LTK: variants seen among roughly 807,000 people sequenced by gnomAD.
LTK encodes leukocyte tyrosine kinase receptor.
Under a neutral mutation model 101.5 loss-of-function variants are expected in LTK, and 117 were observed. The ratio of observed to expected loss-of-function variants is 1.15; its 90% CI spans 0.99 to 1.34. LTK has a LOEUF of 1.34. Ranked by LOEUF, LTK falls within the 40% of genes most tolerant of loss-of-function variation. LTK has a pLI of 0.00. For missense variants in LTK, 1,252 were observed against 1,164.7 expected (o/e 1.07, Z -1.09); for synonymous variants, 563 against 494.2 (o/e 1.14, Z -1.85).
At chr15:41,510,679 T>C (rs2051429443) in intron 7 of LTK, among the ~76,000 whole-genome samples, 1 of 152,094 alleles carries the variant, frequency 6.6e-6, no homozygotes, top group South Asian at 2.1e-4. Flanking sequence ...CAGACTGGTC[T>C]CGAACTGGTG....
chr15:41,504,818 G>A lies in LTK; in HGVS notation c.2075C>T (p.Pro692Leu). The A allele has an allele frequency of 6.2e-7, 1 of 1,613,278 alleles. No homozygotes were observed. Among genetic ancestry groups the A allele is most frequent in the East Asian group, 2.2e-5 (1 of 44,884 alleles). The change falls in exon 17 of 20, where the codon CCA becomes CTA. Residue 692 changes from proline (P) to leucine (L), a missense_variant. Coordinates refer to ENST00000263800, the MANE Select transcript of LTK (RefSeq NM_002344.6). ...GAAGATGCCCTCCAGGAAGGCCTCT[G>A]GGGGCATCCACTTGACTGGGAGCAA... ...RALLPVKWMP[P>L]EAFLEGIFTS...
chr15:41,505,162 G>A (rs375743557), intron 15 of LTK, 46 bp downstream of exon 15: 157 of 1,593,158 alleles, frequency 9.9e-5, no homozygotes, highest in Non-Finnish European at 1.3e-4. Flanking sequence ...TGTTCCTTGG[G>A]GAGGGAGTTG....
Position 41,511,813 on chromosome 15 carries a change from G to T in LTK, c.657+4C>A. The T allele has an allele frequency of 6.7e-7, 1 of 1,490,192 alleles. No individual in the cohort carries two copies. The allele number at this position is 1,490,192 out of a possible 1,614,324, so 92.3% of individuals were successfully genotyped here. A position where few individuals can be genotyped will look rare whatever the true frequency, so the allele number is the denominator to read the frequency against. ...CAACGCTGAGCGCCGAAGGGAGCAC[G>T]TACCCGGAAAACGTAGGTGGCGCCC... On this transcript the variant is annotated splice_donor_region_variant and intron_variant, in intron 5 of 19. Transcript: ENST00000263800. This position sits in a 1 kb window ranked among gnomAD's most constrained non-coding sequence, Gnocchi z 5.9.
Position 41,511,218 on chromosome 15 carries a change from AGCCGCCGGCCGCG to A in LTK, c.930_942del (p.Ala311SerfsTer59), listed in dbSNP as rs774635215. ...GTGCAGGCCCCGCCGCCGCCCCCGA[AGCCGCCGGCCGCG>A]GCCCAGCCAAGGGTCGCCCAAGCCT... On this transcript the variant is annotated frameshift_variant, in exon 7 of 20. Coordinates refer to ENST00000263800, the MANE Select transcript of LTK (RefSeq NM_002344.6). LOFTEE classifies it high-confidence loss of function. The surrounding 1 kb of genome is among the most constrained non-coding windows in gnomAD (Gnocchi z 5.9). 1 of 1,389,832 alleles carries A rather than the reference AGCCGCCGGCCGCG, an allele frequency of 7.2e-7. No individual in the cohort carries two copies. The highest frequency in any genetic ancestry group is 1.6e-5 in the South Asian group (1 of 63,282). 86.1% of individuals were successfully genotyped at this position (1,389,832 alleles called of 1,614,324 possible).
rs772812107 is a variant in LTK at position 41,505,319 on chromosome 15, A to AG, written c.1828-15dup. 4.6e-5 allele frequency: 75 copies of AG among 1,613,408 alleles called. No homozygotes were observed. The highest frequency in any genetic ancestry group is 6.4e-5 in the Non-Finnish European group (75 of 1,179,716). ...TGATGGCTGGCCCTGGGTCAGGCAG[A>AG]GGGGGCATCAGTCCATGTAGGTCTC... is the stretch of plus-strand genomic sequence containing the variant. On this transcript the variant is annotated splice_polypyrimidine_tract_variant and intron_variant, in intron 14 of 19. Transcript: ENST00000263800.
intron 10 of LTK, 111 bp downstream of exon 10, chr15:41,507,451 T>TCTGCTG (rs1566868213): frequency 6.4e-7 from 1 of 1,550,674 alleles, no homozygotes; most frequent in African/African-American, 1.4e-5. Context: ...CTACCACGGC[T>TCTGCTG]CTGCTGCGGT....
Position 41,512,279 on chromosome 15 carries a change from A to C in LTK, c.360-14T>G. On this transcript the variant is annotated splice_polypyrimidine_tract_variant and intron_variant, in intron 3 of 19. Transcript: ENST00000263800. Reference sequence around the variant, plus strand: ...TAGGCTGAGATCCTGCGGGGAACGGACGGTGAGTCCCCGGCCTTCGGTGCT... The same window carrying C: ...TAGGCTGAGATCCTGCGGGGAACGGCCGGTGAGTCCCCGGCCTTCGGTGCT... The C allele has an allele frequency of 6.2e-7, 1 of 1,609,030 alleles. No individual in the cohort carries two copies. The highest frequency in any genetic ancestry group is 8.5e-7 in the Non-Finnish European group (1 of 1,177,612).
At chr15:41,506,947 C>T in intron 11 of LTK, 148 bp downstream of exon 11, 1 of 666,376 alleles carries the variant, frequency 1.5e-6, no homozygotes, top group Admixed American at 3.3e-5. Flanking sequence ...GTTACTTCCC[C>T]TTCTGGAGCT....
In LTK at chr15:41,511,178, C is replaced by T; in HGVS notation, c.983G>A (p.Gly328Asp). ...GGGACTAGGG[G>D]GGYRGGDASE... ...GGTGCACCTACCCCTGTAGCCGCCG[C>T]CGCCTCCGCCCGCAGTGCAGGCCCC... The change falls in exon 7 of 20, where the codon GGC becomes GAC. Residue 328 changes from glycine (G) to aspartate (D), a missense_variant. Physicochemically the swap from Gly to Asp is moderately conservative, Grantham distance 94. Transcript: ENST00000263800. This position sits in a 1 kb window ranked among gnomAD's most constrained non-coding sequence, Gnocchi z 5.9. 1 of 1,402,352 alleles carries T rather than the reference C, an allele frequency of 7.1e-7. No homozygotes were observed. Among genetic ancestry groups the T allele is most frequent in the Admixed American group, 3.0e-5 (1 of 33,218 alleles). 86.9% of individuals were successfully genotyped at this position (1,402,352 alleles called of 1,614,324 possible).
Position 41,513,819 on chromosome 15 carries a change from G to C in LTK, c.-110C>G, listed in dbSNP as rs1047629629. On this transcript the variant is annotated 5_prime_UTR_variant, in exon 1 of 20. Coordinates refer to ENST00000263800, the MANE Select transcript of LTK (RefSeq NM_002344.6). ...CGGCAGCCCTGGCCACCACTTACAG[G>C]GGTGTGCTGCCGCTGGCGAGACACT... The C allele has an allele frequency of 3.1e-6, 3 of 967,766 alleles. No homozygotes were observed. In the African/African-American group the frequency reaches 4.8e-5, roughly 16 times the overall value. The allele number at this position is 967,766 out of a possible 1,614,324, so 59.9% of individuals were successfully genotyped here. A position where few individuals can be genotyped will look rare whatever the true frequency, so the allele number is the denominator to read the frequency against.
In LTK at chr15:41,512,991, G is replaced by T. The variant is rs757159916; in HGVS notation, c.173C>A (p.Pro58Gln). The T allele has an allele frequency of 1.2e-6, 2 of 1,613,712 alleles. No individual in the cohort carries two copies. The highest frequency in any genetic ancestry group is 1.7e-6 in the Non-Finnish European group (2 of 1,179,942). The change falls in exon 2 of 20, where the codon CCG (proline) becomes CAG (glutamine). Residue 58 changes from proline (P) to glutamine (Q), a missense_variant. Transcript: ENST00000263800. ...CTAAAGCTCACCCGGAGAATTCAGC[G>T]GGGAGGCTGGCTCCAAGATACTAGG... ...APPSILEPAS[P>Q]LNSPGTEGSW... is the part of the protein sequence containing the mutation.
chr15:41,504,725 C>T (rs2051195554), intron 17 of LTK, 48 bp downstream of exon 17: 2 of 1,550,750 alleles, frequency 1.3e-6, no homozygotes, highest in African/African-American at 2.8e-5. Flanking sequence ...CAGGATTAGC[C>T]TCAGGGGAGG....
chr15:41,505,335 T>A, intron 14 of LTK, 30 bp from the exon 15 acceptor site: 2 of 1,613,332 alleles, frequency 1.2e-6, no homozygotes, highest in Non-Finnish European at 1.7e-6. Flanking sequence ...CATCAGTCCA[T>A]GTAGGTCTCA....
chr15:41,507,492 G>A (rs752727594), intron 10 of LTK, 70 bp downstream of exon 10: 15 of 1,576,180 alleles, frequency 9.5e-6, no homozygotes, highest in South Asian at 7.0e-5. Flanking sequence ...CCGGGACCCC[G>A]CAGAAACCCA....
At chr15:41,509,924 T>C (rs2051399928) in intron 7 of LTK, among the ~76,000 whole-genome samples, 2 of 152,212 alleles carry the variant, frequency 1.3e-5, no homozygotes, top group South Asian at 2.1e-4. Context: ...CACTGTGCAA[T>C]GGCTAATGCA....
In LTK at chr15:41,507,311, G is replaced by A. The variant is rs777997990; in HGVS notation, c.1346-21C>T. ...CTTCACTGGGGGTGGGAAGAATAAC[G>A]GCACACCCTCCACCTGCCCATCAAC... On this transcript the variant is annotated intron_variant, in intron 10 of 19. Transcript: ENST00000263800. 44 of 1,575,548 alleles carry A rather than the reference G, an allele frequency of 2.8e-5. No individual in the cohort carries two copies. In the South Asian group the frequency reaches 3.9e-4, roughly 14 times the overall value.
chr15:41,511,190 G>C lies in LTK; in HGVS notation c.971C>G (p.Ala324Gly). The C allele has an allele frequency of 7.1e-7, 1 of 1,403,096 alleles. No individual in the cohort carries two copies. Among genetic ancestry groups the C allele is most frequent in the South Asian group, 1.6e-5 (1 of 62,166 alleles). 86.9% of individuals were successfully genotyped at this position (1,403,096 alleles called of 1,614,324 possible). Reference protein sequence around the residue: ...GFGGGGGACTAGGGGGGYRGG... With the variant: ...GFGGGGGACTGGGGGGGYRGG... ...CCTGTAGCCGCCGCCGCCTCCGCCC[G>C]CAGTGCAGGCCCCGCCGCCGCCCCC... The change falls in exon 7 of 20, where the codon GCG (alanine) becomes GGG (glycine). Residue 324 changes from alanine (A) to glycine (G), a missense_variant. Coordinates refer to ENST00000263800, the MANE Select transcript of LTK (RefSeq NM_002344.6). The surrounding 1 kb of genome is among the most constrained non-coding windows in gnomAD (Gnocchi z 5.9).
In LTK at chr15:41,506,003, G is replaced by A. The variant is rs766333097; in HGVS notation, c.1544C>T (p.Ala515Val). ...CTCCCCAAAGGCACCATGGCCCAGG[G>A]CTCTGCAGGAAGACACGTTGGAAGG... ...VSPANVTLLR[A>V]LGHGAFGEVY... Residue 515 changes from alanine (A) to valine (V), a missense_variant and splice_region_variant, in exon 12 of 20, where the codon GCC (alanine) becomes GTC (valine). Physicochemically the swap from Ala to Val is moderately conservative, Grantham distance 64. Coordinates refer to ENST00000263800, the MANE Select transcript of LTK (RefSeq NM_002344.6). The A allele has an allele frequency of 5.6e-6, 9 of 1,612,542 alleles. No homozygotes were observed. In the South Asian group the frequency reaches 7.7e-5, roughly 14 times the overall value.
chr15:41,513,193 CG>C, intron 1 of LTK, 73 bp from the exon 2 acceptor site: 1 of 1,488,150 alleles, frequency 6.7e-7, no homozygotes, highest in Non-Finnish European at 8.9e-7. Flanking sequence ...GAGAGAACCC[CG>C]CAACAGCTGC....
Sources: allele counts gnomAD v4.1 joint callset (sites outside exome capture counted in the v4.1 genomes callset), GRCh38; gene constraint gnomAD v4.1.1; non-coding constraint Gnocchi (gnomAD v3.1); transcripts MANE v1.5; gene names NCBI Gene and HGNC (gene_info 2026-07-23, HGNC 2026-07-21).